Variants in CACNA1A observed in about 807,000 individuals in gnomAD.
CACNA1A encodes the protein calcium voltage-gated channel subunit alpha1 A.
CACNA1A carries 57 observed loss-of-function variants against 262.4 expected under a neutral mutation model. That is an observed-to-expected ratio of 0.22 (90% CI 0.18 to 0.27). The LOEUF is 0.27. CACNA1A is among the 10% of genes least tolerant of loss of function. The pLI is 1.00. For synonymous variants in CACNA1A, 1,431 were observed against 1,419.3 expected (o/e 1.01, Z -0.18); for missense variants, 2,526 against 3,562.8 (o/e 0.71, Z 7.41).
At chr19:13,299,492 T>A in intron 18 of CACNA1A, 139 bp from the exon 19 acceptor site, 1 of 760,262 alleles carries the variant, frequency 1.3e-6, no homozygotes, top group Admixed American at 2.0e-5. Flanking sequence ...TAGGAGTCTG[T>A]GAGCATCTGA....
intron 3 of CACNA1A, among the ~76,000 whole-genome samples, chr19:13,404,181 T>C (rs1034128608): frequency 1.0e-4 from 15 of 150,706 alleles, no homozygotes; most frequent in Non-Finnish European, 2.1e-4. Context: ...TATATATATA[T>C]ACACATATAC....
chr19:13,341,464 T>C (rs1460829094), intron 6 of CACNA1A, among the ~76,000 whole-genome samples: 3 of 152,266 alleles, frequency 2.0e-5, no homozygotes, highest in South Asian at 4.1e-4. Flanking sequence ...ACTCAGTTAC[T>C]GAATGGCAGA....
chr19:13,360,930 AT>A (rs886346025), intron 5 of CACNA1A, among the ~76,000 whole-genome samples: 9 of 151,984 alleles, frequency 5.9e-5, no homozygotes, highest in African/African-American at 1.9e-4. Context: ...TTGTATTTGT[AT>A]TTTTTTCAGC....
intron 1 of CACNA1A, among the ~76,000 whole-genome samples, chr19:13,466,209 T>C (rs1020864911): frequency 8.7e-6 from 1 of 115,170 alleles, no homozygotes; most frequent in Non-Finnish European, 1.9e-5. Flanking sequence ...TTGGTTTTGC[T>C]TTTTTTTTTT....
chr19:13,218,563 C>T (rs1029045999), intron 38 of CACNA1A, among the ~76,000 whole-genome samples: 2 of 152,018 alleles, frequency 1.3e-5, no homozygotes, highest in Admixed American at 6.6e-5. Flanking sequence ...CCTTCCTTTG[C>T]GCATTTTATG....
At chr19:13,456,050 C>T (rs1010867871) in intron 1 of CACNA1A, among the ~76,000 whole-genome samples, 8 of 150,900 alleles carry the variant, frequency 5.3e-5, no homozygotes, top group East Asian at 1.9e-4. Flanking sequence ...CTTGGGAGGC[C>T]GGGGCAGGAG....
chr19:13,442,001 T>G (rs1387897582), intron 3 of CACNA1A, among the ~76,000 whole-genome samples: 2 of 152,118 alleles, frequency 1.3e-5, no homozygotes, highest in Admixed American at 6.6e-5. Context: ...TCAGTCCCTC[T>G]CCACCCCAGC....
intron 1 of CACNA1A, among the ~76,000 whole-genome samples, chr19:13,503,150 A>C (rs1982588125): frequency 6.6e-6 from 1 of 152,232 alleles, no homozygotes; most frequent in East Asian, 1.9e-4. Context: ...GATAGATTGT[A>C]GTAGAGTCAC....
In CACNA1A at chr19:13,464,543, ATTTT is replaced by A. The variant is rs540418372; in HGVS notation, c.294-9335_294-9332del. 6.3e-3 allele frequency among the ~76,000 whole-genome samples: 816 copies of A among 128,944 alleles called. 15 individuals carry two copies. Among genetic ancestry groups the A allele is most frequent in the African/African-American group, 0.022 (711 of 32,080 alleles). The allele number at this position is 128,944 out of a possible 152,430, so 84.6% of individuals were successfully genotyped here. On this transcript the variant is annotated intron_variant, in intron 1 of 46. Coordinates refer to ENST00000360228, the MANE Select transcript of CACNA1A (RefSeq NM_001127222.2). ...CTGCTAATAGTAAATAACTTTTCCA[ATTTT>A]TTTTTTTTTTTTTTTTTTAGAGACC...
chr19:13,438,888 G>A (rs1010586557), intron 3 of CACNA1A, among the ~76,000 whole-genome samples: 3 of 151,982 alleles, frequency 2.0e-5, no homozygotes, highest in South Asian at 2.1e-4. Flanking sequence ...ATAGGTGCAC[G>A]CCACCACACC....
chr19:13,427,004 A>C (rs1037160820), intron 3 of CACNA1A, among the ~76,000 whole-genome samples: 14 of 152,254 alleles, frequency 9.2e-5, no homozygotes, highest in African/African-American at 2.9e-4. Flanking sequence ...TGCAGGCAAC[A>C]ATGCCTAGCG....
chr19:13,279,773 G>A (rs986017101), intron 22 of CACNA1A, among the ~76,000 whole-genome samples: 12 of 147,006 alleles, frequency 8.2e-5, no homozygotes, highest in South Asian at 4.4e-4. Context: ...GTGCGAGCCC[G>A]GCCCACTGTG....
chr19:13,400,209 G>T (rs1028455675), intron 3 of CACNA1A, among the ~76,000 whole-genome samples: 3 of 151,968 alleles, frequency 2.0e-5, no homozygotes, highest in Non-Finnish European at 2.9e-5. Context: ...TGTGTGTGTG[G>T]GTGTGCAAGC....
chr19:13,208,703 C>T (rs2054673974), intron 46 of CACNA1A, 53 bp downstream of exon 46: 1 of 1,514,206 alleles, frequency 6.6e-7, no homozygotes. Context: ...CCCCTTCTCT[C>T]CTCCCCGCCT....
intron 38 of CACNA1A, among the ~76,000 whole-genome samples, chr19:13,221,985 C>T (rs1600108782): frequency 6.6e-6 from 1 of 152,150 alleles, no homozygotes; most frequent in African/African-American, 2.4e-5. Flanking sequence ...CGGCTCACTG[C>T]AATCTCTGCC....
intron 1 of CACNA1A, among the ~76,000 whole-genome samples, chr19:13,482,213 C>T (rs984403281): frequency 2.0e-5 from 3 of 152,238 alleles, no homozygotes; most frequent in South Asian, 2.1e-4. Context: ...AGGCCGGGTG[C>T]GGTGGCTCAC....
chr19:13,464,781 C>T (rs2061198265), intron 1 of CACNA1A, among the ~76,000 whole-genome samples: 1 of 152,068 alleles, frequency 6.6e-6, no homozygotes, highest in African/African-American at 2.4e-5. Flanking sequence ...ATCTCCTGAC[C>T]TTGTGATCTG....
chr19:13,436,555 TCATC>T (rs757057821), intron 3 of CACNA1A, among the ~76,000 whole-genome samples: 1 of 123,662 alleles, frequency 8.1e-6, no homozygotes, highest in South Asian at 2.7e-4. Context: ...ACTCATTCAT[TCATC>T]CACTCACTCA....
chr19:13,361,889 A>G (rs1229294172), intron 5 of CACNA1A, among the ~76,000 whole-genome samples: 1 of 152,148 alleles, frequency 6.6e-6, no homozygotes, highest in Admixed American at 6.6e-5. Context: ...CTGTGCCTGG[A>G]ATCTTCTCTG....
Sources: gnomAD v4.1 joint callset for allele counts (sites outside exome capture counted in the v4.1 genomes callset) on GRCh38, gnomAD v4.1.1 for gene constraint, MANE v1.5 for transcripts, NCBI Gene and HGNC (gene_info 2026-07-23, HGNC 2026-07-21) for gene names.